The following SLC49A4 variants were observed in gnomAD, a reference collection of about 807,000 sequenced individuals.
SLC49A4 encodes solute carrier family 49 member 4.
Under a neutral mutation model 50.6 loss-of-function variants are expected in SLC49A4, and 36 were observed. The observed-to-expected ratio is 0.71, with a 90% CI of 0.55 to 0.94. The LOEUF (loss-of-function observed/expected upper bound fraction) is 0.94. Among genes scored for constraint, SLC49A4 ranks in the 40% least tolerant of loss-of-function variants. The pLI is 0.00. For synonymous variants in SLC49A4, 248 were observed against 241.2 expected (o/e 1.03, Z -0.26); for missense variants, 503 against 605.7 (o/e 0.83, Z 1.78).
intron 2 of SLC49A4, among the ~76,000 whole-genome samples, chr3:122,822,012 A>G (rs1210073258): frequency 6.6e-6 from 1 of 152,168 alleles, no homozygotes; most frequent in Non-Finnish European, 1.5e-5. Flanking sequence ...TACTGGGCCC[A>G]GTCTGTGAGT....
At chr3:122,862,224 TA>T (rs1267212068) in intron 7 of SLC49A4, among the ~76,000 whole-genome samples, 2 of 152,206 alleles carry the variant, frequency 1.3e-5, no homozygotes, top group African/African-American at 2.4e-5. Flanking sequence ...TACATGTTAT[TA>T]AATAGTTTGA....
At chr3:122,800,637 G>A (rs1387836345) in intron 1 of SLC49A4, among the ~76,000 whole-genome samples, 2 of 152,220 alleles carry the variant, frequency 1.3e-5, no homozygotes, top group African/African-American at 4.8e-5. Flanking sequence ...AGGCAAGATG[G>A]GATGTGGTCC....
chr3:122,811,650 G>C (rs2107559169), intron 2 of SLC49A4, among the ~76,000 whole-genome samples: 1 of 152,326 alleles, frequency 6.6e-6, no homozygotes, highest in Non-Finnish European at 1.5e-5. Context: ...ATAGCAGAAG[G>C]CTGGATGTAA....
chr3:122,851,155 C>T (rs988207379), intron 5 of SLC49A4, among the ~76,000 whole-genome samples: 1 of 152,170 alleles, frequency 6.6e-6, no homozygotes, highest in African/African-American at 2.4e-5. Flanking sequence ...TTTAACTGCA[C>T]AAGACATTAT....
chr3:122,863,699 T>G (rs1276526171), intron 7 of SLC49A4, among the ~76,000 whole-genome samples: 3 of 152,228 alleles, frequency 2.0e-5, no homozygotes. Context: ...TCATTCCTAT[T>G]TTAATCAGGA....
At chr3:122,872,322 GT>G in intron 7 of SLC49A4, 92 bp from the exon 8 acceptor site, 1 of 1,089,136 alleles carries the variant, frequency 9.2e-7, no homozygotes, top group Non-Finnish European at 1.3e-6. Flanking sequence ...AAATTTTTGA[GT>G]CAATACTTAG....
intron 4 of SLC49A4, among the ~76,000 whole-genome samples, chr3:122,841,129 C>G (rs190481307): frequency 6.0e-4 from 92 of 152,290 alleles, no homozygotes; most frequent in African/African-American, 2.2e-3. Flanking sequence ...TGATTTCAGG[C>G]AACTAATTTT....
intron 2 of SLC49A4, among the ~76,000 whole-genome samples, chr3:122,814,684 G>A (rs2107560430): frequency 6.6e-6 from 1 of 152,256 alleles, no homozygotes; most frequent in South Asian, 2.1e-4. Flanking sequence ...TGTCCAATCT[G>A]TGGCATGCAT....
chr3:122,836,478 A>G (rs958105680), intron 4 of SLC49A4, among the ~76,000 whole-genome samples: 5 of 152,120 alleles, frequency 3.3e-5, no homozygotes, highest in African/African-American at 1.2e-4. Context: ...TGTCTCTGCC[A>G]GGTTTTGGTA....
chr3:122,842,689 C>A (rs888391636), intron 4 of SLC49A4, among the ~76,000 whole-genome samples: 3 of 152,000 alleles, frequency 2.0e-5, no homozygotes, highest in African/African-American at 7.3e-5. Context: ...TTAAAATTGT[C>A]CCCCCAACCC....
intron 3 of SLC49A4, among the ~76,000 whole-genome samples, chr3:122,831,192 G>C (rs907207549): frequency 6.6e-6 from 1 of 152,068 alleles, no homozygotes; most frequent in Admixed American, 6.5e-5. Flanking sequence ...ATGTAAAATG[G>C]TGTAGCCGCA....
rs2288677 is a variant in SLC49A4, at chr3:122,879,444, A to C, written c.*66A>C. 8.5e-7 allele frequency: 1 copy of C among 1,177,808 alleles called. No homozygotes were observed. Among genetic ancestry groups the C allele is most frequent in the Non-Finnish European group, 1.2e-6 (1 of 816,214 alleles). 73.0% of individuals were successfully genotyped at this position (1,177,808 alleles called of 1,614,324 possible). A position where few individuals can be genotyped will look rare whatever the true frequency, so the allele number is the denominator to read the frequency against. ...AATACTGCACACTGCACATTTGCTCAGAATTGCACATCTAACAGGAAAAGA... is the reference window on the plus strand; with the variant it reads ...AATACTGCACACTGCACATTTGCTCCGAATTGCACATCTAACAGGAAAAGA... On this transcript the variant is annotated 3_prime_UTR_variant, in exon 9 of 9. Coordinates refer to ENST00000261038, the MANE Select transcript of SLC49A4 (RefSeq NM_032839.3).
chr3:122,860,273 A>G (rs912552777), intron 7 of SLC49A4, 71 bp downstream of exon 7: 8 of 1,351,694 alleles, frequency 5.9e-6, no homozygotes, highest in Non-Finnish European at 6.8e-6. Context: ...CTCTGACAGT[A>G]GGACTTCTTC....
At chr3:122,825,188 A>G (rs560594941) in intron 2 of SLC49A4, among the ~76,000 whole-genome samples, 3 of 152,352 alleles carry the variant, frequency 2.0e-5, no homozygotes, top group Non-Finnish European at 2.9e-5. Flanking sequence ...AAAAGTATCA[A>G]ATATCAAAGC....
At chr3:122,840,494 AAAATT>A (rs1936756277) in intron 4 of SLC49A4, among the ~76,000 whole-genome samples, 3 of 152,220 alleles carry the variant, frequency 2.0e-5, no homozygotes, top group Admixed American at 6.5e-5. Flanking sequence ...AGAAATAAGT[AAAATT>A]AATAAGTAAA....
At chr3:122,845,323 T>A (rs576713518) in intron 4 of SLC49A4, among the ~76,000 whole-genome samples, 41 of 152,220 alleles carry the variant, frequency 2.7e-4, no homozygotes, top group Non-Finnish European at 3.4e-4. Context: ...TGTGGAGTAT[T>A]CCATAGTGTA....
chr3:122,869,051 G>A (rs1560484), intron 7 of SLC49A4, among the ~76,000 whole-genome samples: 38,133 of 152,110 alleles, frequency 0.25, 5,698 homozygotes, highest in East Asian at 0.64. Flanking sequence ...CCATTTCTGA[G>A]CTAATGAGCT....
chr3:122,850,063 C>T (rs1936906017), intron 5 of SLC49A4, among the ~76,000 whole-genome samples: 1 of 151,984 alleles, frequency 6.6e-6, no homozygotes, highest in South Asian at 2.1e-4. Flanking sequence ...TGAAGCAAAT[C>T]TGACTGACTT....
rs1293641367 is a variant in SLC49A4 at position 122,833,546 on chromosome 3, A to G, written c.833+100A>G. ...TAAGATAGTAATTTTTCAGCAACCT[A>G]TTAATTAGGTTGTAAGTAATTGATA... On this transcript the variant is annotated intron_variant, in intron 4 of 8. Transcript: ENST00000261038. 4.4e-6 allele frequency: 5 copies of G among 1,132,692 alleles called. No individual in the cohort carries two copies. The African/African-American group carries it at 6.3e-5, about 14-fold the overall frequency. 70.2% of individuals were successfully genotyped at this position (1,132,692 alleles called of 1,614,324 possible).
Sources: allele counts gnomAD v4.1 joint callset (sites outside exome capture counted in the v4.1 genomes callset), GRCh38; gene constraint gnomAD v4.1.1; transcripts MANE v1.5; gene names NCBI Gene and HGNC (gene_info 2026-07-23, HGNC 2026-07-21).